Variants in SMPX observed in about 807,000 individuals in gnomAD.
SMPX encodes the protein small muscular protein.
SMPX carries 2 observed loss-of-function variants against 6.3 expected under a neutral mutation model. That is an observed-to-expected ratio of 0.32 (90% CI 0.13 to 0.99). The LOEUF (loss-of-function observed/expected upper bound fraction) is 0.99. Ranked by LOEUF, SMPX falls within the 50% of genes least tolerant of loss-of-function variation. The pLI is 0.49. For synonymous variants in SMPX, 32 were observed against 24.7 expected, an observed-to-expected ratio of 1.30 and a Z score of -0.88; for missense variants, 60 against 66.8, an observed-to-expected ratio of 0.90 and a Z score of 0.36.
chrX:21,711,563 A>T (rs989872466), intron 4 of SMPX, among the ~76,000 whole-genome samples: 5 of 111,991 alleles, frequency 4.5e-5, no homozygotes, highest in Non-Finnish European at 9.4e-5. Flanking sequence ...TGGGGATGAT[A>T]CACCAAATAT....
At chrX:21,707,842 A>G (rs913338028) in intron 4 of SMPX, among the ~76,000 whole-genome samples, 2 of 112,530 alleles carry the variant, frequency 1.8e-5, no homozygotes, top group African/African-American at 6.5e-5. Flanking sequence ...CATGTAGAGC[A>G]GAGCCCCCAG....
chrX:21,751,797 T>C (rs2092827682), intron 2 of SMPX, among the ~76,000 whole-genome samples: 2 of 112,303 alleles, frequency 1.8e-5, no homozygotes, highest in Admixed American at 9.4e-5. Flanking sequence ...AAATGGTATT[T>C]ACACAATGAG....
At chrX:21,748,649 C>T (rs1408360819) in intron 2 of SMPX, among the ~76,000 whole-genome samples, 1 of 111,909 alleles carries the variant, frequency 8.9e-6, no homozygotes, top group Non-Finnish European at 1.9e-5. Flanking sequence ...CATTCCAGTT[C>T]TTAATACACT....
chrX:21,708,469 C>T (rs757830891), intron 4 of SMPX, among the ~76,000 whole-genome samples: 204 of 112,089 alleles, frequency 1.8e-3, no homozygotes, highest in Non-Finnish European at 3.1e-3. Flanking sequence ...TGCTGTGATG[C>T]AGGTTGTGTT....
chrX:21,747,875 C>T (rs975184988), intron 2 of SMPX, among the ~76,000 whole-genome samples: 1 of 111,768 alleles, frequency 8.9e-6, no homozygotes, highest in Non-Finnish European at 1.9e-5. Context: ...ACCCCAGCAG[C>T]TCCTGCCAGA....
At chrX:21,724,151 G>A (rs947162897) in intron 4 of SMPX, among the ~76,000 whole-genome samples, 8 of 112,229 alleles carry the variant, frequency 7.1e-5, no homozygotes, top group African/African-American at 2.6e-4. Flanking sequence ...ACCTCGCAGG[G>A]TGTCTGGGAC....
rs772050740 is a variant in SMPX at position 21,719,778 on chromosome X, A to G, written c.*15-13384T>C. 2.7e-5 allele frequency among the ~76,000 whole-genome samples: 3 copies of G among 112,042 alleles called. No individual in the cohort carries two copies. The East Asian group carries it at 8.5e-4, about 32-fold the overall frequency. On this transcript the variant is annotated intron_variant, in intron 4 of 4. Transcript: ENST00000379494. ...AGAAAAGACTTTCCTCAGTGCTCAC[A>G]CTATGCACTGTGCTTATGTGCTGTC... is the stretch of plus-strand genomic sequence containing the variant.
intron 4 of SMPX, among the ~76,000 whole-genome samples, chrX:21,735,258 G>A (rs1177627008): frequency 8.9e-6 from 1 of 112,001 alleles, no homozygotes; most frequent in African/African-American, 3.2e-5. Flanking sequence ...AGAAAAATAA[G>A]TCAAAAGCAA....
chrX:21,716,156 T>C (rs1228545697), intron 4 of SMPX, among the ~76,000 whole-genome samples: 1 of 112,573 alleles, frequency 8.9e-6, no homozygotes. Flanking sequence ...TGATCACTTA[T>C]ACCTCGTCTC....
chrX:21,750,455 G>A (rs1246660580), intron 2 of SMPX, among the ~76,000 whole-genome samples: 2 of 111,891 alleles, frequency 1.8e-5, no homozygotes, highest in African/African-American at 3.3e-5. Context: ...CTGCTTTTGT[G>A]GTACAACAGC....
intron 4 of SMPX, among the ~76,000 whole-genome samples, chrX:21,711,956 A>G (rs943451367): frequency 1.3e-4 from 15 of 111,832 alleles, no homozygotes; most frequent in African/African-American, 4.9e-4. Flanking sequence ...AAAGTCTTCT[A>G]GAGTTTACAG....
At chrX:21,707,031 C>G (rs2092773702) in intron 4 of SMPX, among the ~76,000 whole-genome samples, 1 of 108,549 alleles carries the variant, frequency 9.2e-6, no homozygotes. Flanking sequence ...TACGAGATCT[C>G]CAGAATATAT....
At position 21,733,631 on chromosome X, in the gene SMPX, T is replaced by C. The variant is rs377078396; in HGVS notation, c.*14+3918A>G. 6.5e-5 allele frequency: 20 copies of C among 309,571 alleles called. 1 individual carries two copies. In the East Asian group the frequency reaches 1.1e-3, roughly 17 times the overall value. The allele number at this position is 309,571 out of a possible 1,213,427, so 25.5% of individuals were successfully genotyped here. On this transcript the variant is annotated intron_variant, in intron 4 of 4. Coordinates refer to ENST00000379494, the MANE Select transcript of SMPX (RefSeq NM_014332.3). ...ACTTTCTCGGTGCTTATTAGCATCATTGTAGAATTATTCTTAGGTTTTACC... is the reference window on the plus strand; with the variant it reads ...ACTTTCTCGGTGCTTATTAGCATCACTGTAGAATTATTCTTAGGTTTTACC...
At chrX:21,752,282 C>T (rs2147395293) in intron 2 of SMPX, among the ~76,000 whole-genome samples, 1 of 111,216 alleles carries the variant, frequency 9.0e-6, no homozygotes, top group Non-Finnish European at 1.9e-5. Context: ...AAAACCAACA[C>T]ACTTTCAGTT....
At chrX:21,710,572 CAG>C (rs2057123163) in intron 4 of SMPX, among the ~76,000 whole-genome samples, 1 of 112,064 alleles carries the variant, frequency 8.9e-6, no homozygotes, top group African/African-American at 3.2e-5. Context: ...TTTTTAAAAA[CAG>C]AGAAATCTTG....
At chrX:21,731,444 C>T (rs1161090926) in intron 4 of SMPX, among the ~76,000 whole-genome samples, 5 of 87,134 alleles carry the variant, frequency 5.7e-5, no homozygotes, top group Non-Finnish European at 9.2e-5. Context: ...TGTATGTGTA[C>T]ACATACACAT....
chrX:21,732,077 T>C (rs2092805677), intron 4 of SMPX, among the ~76,000 whole-genome samples: 1 of 110,966 alleles, frequency 9.0e-6, no homozygotes, highest in African/African-American at 3.3e-5. Context: ...TATATCAATT[T>C]GCCCTTCTTC....
At chrX:21,745,242 T>C (rs1467003480) in intron 2 of SMPX, among the ~76,000 whole-genome samples, 1 of 111,880 alleles carries the variant, frequency 8.9e-6, no homozygotes, top group Non-Finnish European at 1.9e-5. Context: ...CAGCACAACT[T>C]TAGAGAAAAG....
At chrX:21,744,797 T>G in intron 2 of SMPX, among the ~76,000 whole-genome samples, 1 of 112,515 alleles carries the variant, frequency 8.9e-6, no homozygotes. Flanking sequence ...GTTTTGATGT[T>G]ATGCATGTAA....
Sources: allele counts gnomAD v4.1 joint callset (sites outside exome capture counted in the v4.1 genomes callset), GRCh38; gene constraint gnomAD v4.1.1; transcripts MANE v1.5; gene names NCBI Gene and HGNC (gene_info 2026-07-23, HGNC 2026-07-21).